Variants in EPHA6 observed in about 807,000 individuals in gnomAD.
The protein encoded by EPHA6 is ephrin type-A receptor 6.
Under a neutral mutation model 112.0 loss-of-function variants are expected in EPHA6, and 50 were observed. The observed-to-expected ratio is 0.45, with a 90% CI of 0.36 to 0.56. The LOEUF is 0.56. Among genes scored for constraint, EPHA6 ranks in the 20% least tolerant of loss-of-function variants. The pLI, the probability that EPHA6 is intolerant of heterozygous loss-of-function variation, is 0.00. For synonymous variants in EPHA6, 529 were observed against 490.7 expected (o/e 1.08, Z -1.03); for missense variants, 1,280 against 1,417.4 (o/e 0.90, Z 1.56).
At chr3:97,433,795 C>T (rs1023166342) in intron 6 of EPHA6, among the ~76,000 whole-genome samples, 2 of 152,010 alleles carry the variant, frequency 1.3e-5, no homozygotes, top group African/African-American at 4.8e-5. Flanking sequence ...AGCACCAGAT[C>T]CCCTGCAGTA....
chr3:97,249,796 T>C (rs1378286335), intron 5 of EPHA6, among the ~76,000 whole-genome samples: 1 of 152,246 alleles, frequency 6.6e-6, no homozygotes, highest in Non-Finnish European at 1.5e-5. Context: ...GAAGATGGTG[T>C]GAGTTAACTT....
chr3:97,596,904 ATG>A (rs1344512869), intron 12 of EPHA6, among the ~76,000 whole-genome samples: 29 of 133,726 alleles, frequency 2.2e-4, no homozygotes, highest in African/African-American at 6.3e-4. Flanking sequence ...ATATATATAT[ATG>A]TATGTATATA....
intron 3 of EPHA6, among the ~76,000 whole-genome samples, chr3:97,095,997 A>G (rs2047223842): frequency 6.6e-6 from 1 of 151,958 alleles, no homozygotes; most frequent in African/African-American, 2.4e-5. Flanking sequence ...TGATTCTAGA[A>G]CCAAAAGTTT....
chr3:97,646,393 G>A (rs1576192269), intron 14 of EPHA6: 1 of 978,330 alleles, frequency 1.0e-6, no homozygotes, highest in East Asian at 2.9e-5. Context: ...ATACACTAAA[G>A]TAAATGAAGA....
At chr3:97,655,297 C>T (rs2094131426) in intron 14 of EPHA6, among the ~76,000 whole-genome samples, 1 of 151,650 alleles carries the variant, frequency 6.6e-6, no homozygotes, top group South Asian at 2.1e-4. Flanking sequence ...AAGTGCCTGT[C>T]CCACAATCAA....
intron 14 of EPHA6, among the ~76,000 whole-genome samples, chr3:97,717,124 G>C (rs62262841): frequency 6.6e-6 from 1 of 151,604 alleles, no homozygotes; most frequent in Non-Finnish European, 1.5e-5. Context: ...CCAGCTACTC[G>C]GGAGGCTGAG....
At chr3:96,815,122 T>C in intron 1 of EPHA6, 114 bp downstream of exon 1, 2 of 1,065,274 alleles carry the variant, frequency 1.9e-6, no homozygotes, top group Non-Finnish European at 2.6e-6. Flanking sequence ...GTCTCCTGGC[T>C]CGCCACACGA....
chr3:97,660,866 C>T (rs2107632469), intron 14 of EPHA6, among the ~76,000 whole-genome samples: 1 of 152,204 alleles, frequency 6.6e-6, no homozygotes, highest in African/African-American at 2.4e-5. Flanking sequence ...AATATTAAAT[C>T]CCTATTTCTT....
At chr3:97,354,946 G>A (rs867742167) in intron 5 of EPHA6, among the ~76,000 whole-genome samples, 6 of 152,126 alleles carry the variant, frequency 3.9e-5, no homozygotes, top group Middle Eastern at 6.9e-3. Flanking sequence ...GGAAAGAGTG[G>A]ATGACATATT....
chr3:97,374,243 TA>T (rs2085221073), intron 5 of EPHA6, among the ~76,000 whole-genome samples: 1 of 152,094 alleles, frequency 6.6e-6, no homozygotes, highest in South Asian at 2.1e-4. Flanking sequence ...CTAACTTCCC[TA>T]ATCAGCCAGA....
intron 10 of EPHA6, among the ~76,000 whole-genome samples, chr3:97,518,072 A>G (rs2092475349): frequency 6.6e-6 from 1 of 152,154 alleles, no homozygotes; most frequent in South Asian, 2.1e-4. Context: ...CAGATAGCTC[A>G]TCAGCATATT....
chr3:97,410,974 T>TA (rs2087673139), intron 6 of EPHA6, among the ~76,000 whole-genome samples: 1 of 152,064 alleles, frequency 6.6e-6, no homozygotes, highest in Non-Finnish European at 1.5e-5. Flanking sequence ...CTACAAGTAT[T>TA]AATCTGAAGC....
intron 3 of EPHA6, among the ~76,000 whole-genome samples, chr3:97,117,075 A>G (rs1218126553): frequency 1.3e-5 from 2 of 151,642 alleles, no homozygotes; most frequent in East Asian, 1.9e-4. Context: ...TTTCCTGATG[A>G]TCAGTGATGT....
At chr3:97,570,205 A>G (rs537571596) in intron 11 of EPHA6, among the ~76,000 whole-genome samples, 275 of 152,354 alleles carry the variant, frequency 1.8e-3, no homozygotes, top group Non-Finnish European at 2.6e-3. Flanking sequence ...TGAGGGATTC[A>G]TAGAAGCAAG....
intron 11 of EPHA6, among the ~76,000 whole-genome samples, chr3:97,543,754 C>G (rs202043627): frequency 1.3e-5 from 2 of 150,934 alleles, no homozygotes; most frequent in East Asian, 1.9e-4. Flanking sequence ...ATTTGTTTGT[C>G]TCCTCTTTTA....
At chr3:97,072,761 A>G (rs1032859580) in intron 3 of EPHA6, among the ~76,000 whole-genome samples, 1 of 152,146 alleles carries the variant, frequency 6.6e-6, no homozygotes, top group Admixed American at 6.6e-5. Flanking sequence ...ATCACTCTAG[A>G]CAAAGTTGAA....
chr3:97,063,099 G>T (rs1007651295), intron 3 of EPHA6, among the ~76,000 whole-genome samples: 5 of 152,192 alleles, frequency 3.3e-5, no homozygotes, highest in Admixed American at 2.0e-4. Flanking sequence ...TACACTGTCG[G>T]TGGGAGTATA....
In EPHA6 at chr3:97,751,517, ATATAAGGATTTAC is replaced by A. The variant is rs944920979; in HGVS notation, c.*2831_*2843del. 2.6e-5 allele frequency among the ~76,000 whole-genome samples: 4 copies of A among 152,158 alleles called. No individual in the cohort carries two copies. Among genetic ancestry groups the A allele is most frequent in the East Asian group, 1.9e-4 (1 of 5,200 alleles). ...TGCAAGATTAAACAGAAACATTAAA[ATATAAGGATTTAC>A]TATAAGGATTTACTGCCTACCAATC... is the stretch of plus-strand genomic sequence containing the variant. On this transcript the variant is annotated 3_prime_UTR_variant, in exon 18 of 18. Transcript: ENST00000389672.
chr3:96,833,564 A>T (rs985001535), intron 1 of EPHA6, among the ~76,000 whole-genome samples: 1 of 152,018 alleles, frequency 6.6e-6, no homozygotes, highest in Non-Finnish European at 1.5e-5. Context: ...ATTCTTAAGG[A>T]GTAAACTATG....
Sources: gnomAD v4.1 joint callset for allele counts (sites outside exome capture counted in the v4.1 genomes callset) on GRCh38, gnomAD v4.1.1 for gene constraint, MANE v1.5 for transcripts, NCBI Gene and HGNC (gene_info 2026-07-23, HGNC 2026-07-21) for gene names.